Variants in TMEM71 observed in about 807,000 individuals in gnomAD.
TMEM71 encodes transmembrane protein 71.
A neutral mutation model predicts 38.0 loss-of-function variants in TMEM71; 44 were observed. The ratio of observed to expected loss-of-function variants is 1.16; its 90% CI spans 0.91 to 1.49. The LOEUF (loss-of-function observed/expected upper bound fraction) is 1.49, where lower values mean the gene tolerates loss of function less well. TMEM71 is among the 40% of genes most tolerant of loss of function. The pLI is 0.00. For missense variants in TMEM71, 367 were observed against 348.6 expected (o/e 1.05, Z -0.42); for synonymous variants, 133 against 122.5 (o/e 1.09, Z -0.56).
At chr8:132,715,573 C>T (rs970890367) in intron 7 of TMEM71, among the ~76,000 whole-genome samples, 4 of 152,054 alleles carry the variant, frequency 2.6e-5, no homozygotes, top group Admixed American at 6.5e-5. Context: ...AACAGTTGCA[C>T]CCCTTGGTAT....
intron 5 of TMEM71, among the ~76,000 whole-genome samples, chr8:132,730,588 A>G (rs923467694): frequency 1.3e-5 from 2 of 152,170 alleles, no homozygotes; most frequent in Admixed American, 1.3e-4. Flanking sequence ...ATGTTTGGAG[A>G]AATTGTCCTA....
the TMEM71 span, among the ~76,000 whole-genome samples, chr8:132,766,173 AG>A: frequency 6.6e-6 from 1 of 152,102 alleles, no homozygotes; most frequent in Non-Finnish European, 1.5e-5. Flanking sequence ...ACCCCTTGTG[AG>A]GGACTTCCCT....
At chr8:132,709,906 AT>A (rs1826155660), downstream of TMEM71, 2 of 151,904 alleles carry the variant, frequency 1.3e-5, no homozygotes, top group African/African-American at 4.8e-5. Context: ...TCAAAAAAAT[AT>A]ATATATACAT....
chr8:132,770,138 A>G, the TMEM71 span, among the ~76,000 whole-genome samples: 5 of 152,218 alleles, frequency 3.3e-5, no homozygotes, highest in Admixed American at 2.6e-4. Context: ...CAGATTAGGA[A>G]TGTGAATGTT....
In TMEM71 at chr8:132,746,969, A is replaced by G. The variant is rs749938726; in HGVS notation, c.460T>C (p.Leu154=). 1.9e-6 allele frequency: 3 copies of G among 1,608,598 alleles called. No homozygotes were observed. Among genetic ancestry groups the G allele is most frequent in the South Asian group, 1.1e-5 (1 of 90,036 alleles). The change falls in exon 5 of 10, where the codon TTG becomes CTG. Residue 154 remains leucine (L), a synonymous_variant. Transcript: ENST00000677595. ...EDNWLKGTRR[L]DTDHCNGNAD... is the part of the protein sequence containing the mutation. ...TTTCCATTGCAATGGTCTGTGTCCA[A>G]CCTCCTGGTCCCCTTCAACCAGTTG... is the stretch of plus-strand genomic sequence containing the variant.
At chr8:132,762,680 G>C (rs1385724019), upstream of TMEM71, among the ~76,000 whole-genome samples, 1 of 152,154 alleles carries the variant, frequency 6.6e-6, no homozygotes, top group Admixed American at 6.5e-5. Context: ...ACTGAGTTTA[G>C]AGAGTTGCCC....
Position 132,727,919 on chromosome 8 carries a change from C to G in TMEM71, c.555G>C (p.Val185=). Reference sequence around the variant, plus strand: ...TGATGTGGCTGGAAGAGGAGGTGATCACAGACTCTGCATTCATCTTCCCTG... The same window carrying G: ...TGATGTGGCTGGAAGAGGAGGTGATGACAGACTCTGCATTCATCTTCCCTG... The part of the protein sequence containing the change: ...WESGKMNAES[V]ITSSSSHIIS... The change falls in exon 6 of 10, where the codon GTG becomes GTC. Residue 185 remains valine, a synonymous_variant. Coordinates refer to ENST00000677595, the MANE Select transcript of TMEM71 (RefSeq NM_001382403.1). The G allele has an allele frequency of 6.2e-7, 1 of 1,614,032 alleles. No homozygotes were observed. The highest frequency in any genetic ancestry group is 8.5e-7 in the Non-Finnish European group (1 of 1,180,006).
rs1586802015 is a variant in TMEM71 at position 132,747,117 on chromosome 8, A to G, written c.315-3T>C. On this transcript the variant is annotated splice_region_variant and splice_polypyrimidine_tract_variant and intron_variant, in intron 4 of 9. Transcript: ENST00000677595. ...TTCTCTTTTTCTTTCTAAATATCCT[A>G]GAGAGAAATGAAAGCATGGTGAACA... 1.3e-6 allele frequency: 2 copies of G among 1,590,040 alleles called. No homozygotes were observed. The highest frequency in any genetic ancestry group is 1.7e-6 in the Non-Finnish European group (2 of 1,170,132).
At chr8:132,746,418 C>CATATATATACATATATATATACAT (rs1345903670) in intron 5 of TMEM71, among the ~76,000 whole-genome samples, 55 of 37,548 alleles carry the variant, frequency 1.5e-3, no homozygotes, top group South Asian at 8.3e-3. Context: ...TATACACACA[C>CATATATATACATATATATATACAT]ATATATATAC....
At chr8:132,760,746 G>A, upstream of TMEM71, 1 of 152,370 alleles carries the variant, frequency 6.6e-6, no homozygotes, top group Non-Finnish European at 1.5e-5. Flanking sequence ...AGAGTTTCCT[G>A]GGCCAGCAGC....
Position 132,710,564 on chromosome 8 carries a change from T to C in TMEM71, c.*403A>G. Reference sequence around the variant, plus strand: ...TGCTCTCATTATTCTATTAAAGCAATTCAGCAAGAGATAGGTGCATGTGGC... The same window carrying C: ...TGCTCTCATTATTCTATTAAAGCAACTCAGCAAGAGATAGGTGCATGTGGC... On this transcript the variant is annotated 3_prime_UTR_variant, in exon 10 of 10. Coordinates refer to ENST00000677595, the MANE Select transcript of TMEM71 (RefSeq NM_001382403.1). The C allele has an allele frequency of 2.6e-6, 1 of 386,028 alleles. No homozygotes were observed. 23.9% of individuals were successfully genotyped at this position (386,028 alleles called of 1,614,324 possible). A position where few individuals can be genotyped will look rare whatever the true frequency, so the allele number is the denominator to read the frequency against.
chr8:132,709,935 C>T (rs1239508205), downstream of TMEM71: 5 of 151,900 alleles, frequency 3.3e-5, no homozygotes, highest in Non-Finnish European at 7.4e-5. Context: ...TACACACACA[C>T]AAATATAAAT....
intron 5 of TMEM71, among the ~76,000 whole-genome samples, chr8:132,731,692 A>T (rs191149234): frequency 1.3e-5 from 2 of 152,324 alleles, no homozygotes; most frequent in East Asian, 1.9e-4. Context: ...ACAGTTCCTG[A>T]GAAGGGTTTA....
In TMEM71 at chr8:132,719,732, T is replaced by C. The variant is rs535624799; in HGVS notation, c.752+2308A>G. The stretch of plus-strand genomic sequence containing the variant: ...TAGATATGCAGAGAAATCAGAAAAT[T>C]AGGACAGAGGGTTCTCATGTGGTCT... On this transcript the variant is annotated intron_variant, in intron 7 of 9. Transcript: ENST00000677595. Among the ~76,000 whole-genome samples, 7 of 152,292 alleles carry C rather than the reference T, an allele frequency of 4.6e-5. No homozygotes were observed. The South Asian group carries it at 1.4e-3, about 32-fold the overall frequency.
At chr8:132,761,465 G>A (rs1829294139), upstream of TMEM71, among the ~76,000 whole-genome samples, 2 of 152,224 alleles carry the variant, frequency 1.3e-5, no homozygotes, top group Non-Finnish European at 2.9e-5. Flanking sequence ...CTTAAATCAA[G>A]TTCTCTTCTG....
chr8:132,723,753 G>A (rs1826977758), intron 6 of TMEM71, among the ~76,000 whole-genome samples: 1 of 152,086 alleles, frequency 6.6e-6, no homozygotes, highest in Non-Finnish European at 1.5e-5. Flanking sequence ...ACACAGTTTA[G>A]GTGAAGTGAC....
downstream of TMEM71, among the ~76,000 whole-genome samples, chr8:132,708,154 C>T (rs562173645): frequency 4.6e-5 from 7 of 152,176 alleles, no homozygotes; most frequent in African/African-American, 9.6e-5. Flanking sequence ...CAATATTGCC[C>T]GCTGCTAGAC....
intron 6 of TMEM71, among the ~76,000 whole-genome samples, chr8:132,727,504 C>G (rs929192049): frequency 6.6e-6 from 1 of 152,188 alleles, no homozygotes; most frequent in African/African-American, 2.4e-5. Flanking sequence ...GATCCGCCCG[C>G]CTCGGCCTCC....
At chr8:132,711,084 A>T (rs1826208406) in intron 9 of TMEM71, 102 bp from the exon 10 acceptor site, 1 of 1,033,492 alleles carries the variant, frequency 9.7e-7, no homozygotes, top group Non-Finnish European at 1.4e-6. Context: ...ATAAGCACAC[A>T]CCCACACCCA....
Sources: gnomAD v4.1 joint callset for allele counts (sites outside exome capture counted in the v4.1 genomes callset) on GRCh38, gnomAD v4.1.1 for gene constraint, MANE v1.5 for transcripts, NCBI Gene and HGNC (gene_info 2026-07-23, HGNC 2026-07-21) for gene names.